Variants in RASSF3 observed in about 807,000 individuals in gnomAD.
RASSF3 encodes ras association domain-containing protein 3.
In RASSF3, 19 loss-of-function variants were observed where a neutral mutation model predicts 19.9. The observed-to-expected ratio is 0.96, with a 90% CI of 0.67 to 1.40. The LOEUF (loss-of-function observed/expected upper bound fraction) is 1.40. RASSF3 is among the 40% of genes most tolerant of loss of function. The probability of loss-of-function intolerance (pLI) is 0.00; values close to 1 mark genes in which losing one functional copy is unlikely to be tolerated. For missense variants in RASSF3, 306 were observed against 289.8 expected (o/e 1.06, Z -0.41); for synonymous variants, 110 against 104.2 (o/e 1.06, Z -0.34).
intron 1 of RASSF3, among the ~76,000 whole-genome samples, chr12:64,632,577 G>A (rs1871203458): frequency 6.6e-6 from 1 of 152,064 alleles, no homozygotes; most frequent in Non-Finnish European, 1.5e-5. Context: ...GGTGAGGGGA[G>A]GCAAGGAAGG....
intron 4 of RASSF3, 98 bp from the exon 5 acceptor site, chr12:64,694,665 G>C: frequency 2.3e-6 from 3 of 1,331,130 alleles, no homozygotes; most frequent in Non-Finnish European, 2.1e-6. Flanking sequence ...GGGGCTGGGA[G>C]GGGAGGGCAG....
At chr12:64,652,929 GGATTAAGAT>G (rs1389527264) in intron 1 of RASSF3, among the ~76,000 whole-genome samples, 1 of 152,142 alleles carries the variant, frequency 6.6e-6, no homozygotes, top group Non-Finnish European at 1.5e-5. Flanking sequence ...TATAAGTTCT[GGATTAAGAT>G]GTTGGCAGGG....
chr12:64,624,616 A>G (rs1330472606), intron 1 of RASSF3, among the ~76,000 whole-genome samples: 4 of 151,456 alleles, frequency 2.6e-5, no homozygotes, highest in African/African-American at 9.8e-5. Context: ...TCATTTGTAA[A>G]CTAGTAGGAT....
chr12:64,626,510 AAAAAAG>A (rs1008487689), intron 1 of RASSF3, among the ~76,000 whole-genome samples: 13 of 151,682 alleles, frequency 8.6e-5, no homozygotes, highest in Non-Finnish European at 1.9e-4. Context: ...AAAAAAGAAA[AAAAAAG>A]AAAAAGATTA....
At chr12:64,624,161 G>C (rs1364084798) in intron 1 of RASSF3, among the ~76,000 whole-genome samples, 1 of 151,888 alleles carries the variant, frequency 6.6e-6, no homozygotes, top group East Asian at 1.9e-4. Context: ...GTTTCATAAA[G>C]GCAAACCTAG....
At chr12:64,592,057 T>G (rs1869935143) in intron 2 of RASSF3, among the ~76,000 whole-genome samples, 3 of 152,042 alleles carry the variant, frequency 2.0e-5, no homozygotes, top group Admixed American at 2.0e-4. Flanking sequence ...GTATGCCACA[T>G]GCCTGGCTAA....
At chr12:64,652,684 C>G (rs573253833) in intron 1 of RASSF3, among the ~76,000 whole-genome samples, 15 of 152,208 alleles carry the variant, frequency 9.9e-5, no homozygotes, top group African/African-American at 3.6e-4. Context: ...CATCTTGCTT[C>G]TAAGAGAGTT....
At chr12:64,661,293 G>A (rs529258164) in intron 1 of RASSF3, among the ~76,000 whole-genome samples, 147 of 152,296 alleles carry the variant, frequency 9.7e-4, no homozygotes, top group African/African-American at 3.4e-3. Flanking sequence ...GATCACTTGA[G>A]CCCAAAAGTT....
At chr12:64,549,900 A>G (rs185753828) in intron 2 of RASSF3, among the ~76,000 whole-genome samples, 47 of 152,350 alleles carry the variant, frequency 3.1e-4, no homozygotes, top group African/African-American at 1.1e-3. Flanking sequence ...ACACAATCAT[A>G]TCAATATCAT....
At chr12:64,516,920 A>G (rs1868376829) in intron 1 of RASSF3, among the ~76,000 whole-genome samples, 1 of 148,454 alleles carries the variant, frequency 6.7e-6, no homozygotes, top group South Asian at 2.1e-4. Flanking sequence ...AATCAATTGA[A>G]CCTGGGAGGC....
At chr12:64,522,901 C>G (rs1214105791) in intron 1 of RASSF3, among the ~76,000 whole-genome samples, 1 of 152,148 alleles carries the variant, frequency 6.6e-6, no homozygotes, top group African/African-American at 2.4e-5. Flanking sequence ...TCCTCTCCCA[C>G]TCCTCCGGGC....
In RASSF3 at chr12:64,697,336, A is replaced by G. The variant is rs1868398211; in HGVS notation, c.*2424A>G. On this transcript the variant is annotated 3_prime_UTR_variant, in exon 5 of 5. Coordinates refer to ENST00000542104, the MANE Select transcript of RASSF3 (RefSeq NM_178169.4). ...ATTGTACAAATCATTATGTTAAACT[A>G]TCTAAGCTTTGCTGTAATACTGTTT... 6.6e-6 allele frequency: 1 copy of G among 152,182 alleles called. No individual in the cohort carries two copies. Among genetic ancestry groups the G allele is most frequent in the African/African-American group, 2.4e-5 (1 of 41,450 alleles). 9.4% of individuals were successfully genotyped at this position (152,182 alleles called of 1,614,324 possible). A position where few individuals can be genotyped will look rare whatever the true frequency, so the allele number is the denominator to read the frequency against.
intron 1 of RASSF3, among the ~76,000 whole-genome samples, chr12:64,615,067 T>C (rs1429049305): frequency 6.6e-6 from 1 of 152,216 alleles, no homozygotes; most frequent in African/African-American, 2.4e-5. Context: ...TATTTGTGGA[T>C]TCACGTATTT....
At position 64,527,234 on chromosome 12, in the gene RASSF3, G is replaced by A. The variant is rs80152768; in HGVS notation, c.170-14347G>A. On this transcript the variant is annotated intron_variant, in intron 1 of 5. Transcript: ENST00000637125. ...CAATCAAGGTCTCCAGCAGAGAACC[G>A]GACTAAGAACAGGGCTTGAGGTTAG... Among the ~76,000 whole-genome samples, 230 of 152,262 alleles carry A rather than the reference G, an allele frequency of 1.5e-3. 2 individuals carry two copies. The highest frequency in any genetic ancestry group is 5.2e-3 in the African/African-American group (218 of 41,538).
intron 1 of RASSF3, among the ~76,000 whole-genome samples, chr12:64,682,460 G>A (rs12368756): frequency 0.057 from 8,657 of 151,942 alleles, 315 homozygotes; most frequent in Non-Finnish European, 0.085. Context: ...CCAGCTACTC[G>A]GGAGGCTGAG....
Position 64,696,109 on chromosome 12 carries a change from C to CCCT in RASSF3, c.*1200_*1202dup, listed in dbSNP as rs1868356291. 1 of 135,260 alleles carries CCCT rather than the reference C, an allele frequency of 7.4e-6. No individual in the cohort carries two copies. The highest frequency in any genetic ancestry group is 2.5e-4 in the South Asian group (1 of 4,010). 8.4% of individuals were successfully genotyped at this position (135,260 alleles called of 1,614,324 possible). A position where few individuals can be genotyped will look rare whatever the true frequency, so the allele number is the denominator to read the frequency against. The stretch of plus-strand genomic sequence containing the variant: ...TTCCTCCCTCCCTCCCTCCCTCCCT[C>CCCT]CCTCCCTCCCTCCTTCCCTCCCTCT... On this transcript the variant is annotated 3_prime_UTR_variant, in exon 5 of 5. Transcript: ENST00000542104.
At chr12:64,558,349 T>C (rs993927706) in intron 2 of RASSF3, among the ~76,000 whole-genome samples, 2 of 152,178 alleles carry the variant, frequency 1.3e-5, no homozygotes, top group African/African-American at 4.8e-5. Context: ...ACTTGGTTGA[T>C]CGGTACCTTT....
At chr12:64,507,922 T>C (rs1868301874) in intron 1 of RASSF3, among the ~76,000 whole-genome samples, 1 of 152,102 alleles carries the variant, frequency 6.6e-6, no homozygotes, top group Non-Finnish European at 1.5e-5. Flanking sequence ...GAGAGGGGGT[T>C]AAAGGGAGTA....
intron 1 of RASSF3, among the ~76,000 whole-genome samples, chr12:64,632,746 G>A (rs748018961): frequency 6.6e-6 from 1 of 152,126 alleles, no homozygotes; most frequent in African/African-American, 2.4e-5. Flanking sequence ...GCATCCAGCT[G>A]CAGCCAGAAT....
Sources: gnomAD v4.1 joint callset for allele counts (sites outside exome capture counted in the v4.1 genomes callset) on GRCh38, gnomAD v4.1.1 for gene constraint, MANE v1.5 for transcripts, NCBI Gene and HGNC (gene_info 2026-07-23, HGNC 2026-07-21) for gene names.